PIRT: variants seen among roughly 807,000 people sequenced by gnomAD.
The protein encoded by PIRT is phosphoinositide interacting regulator of transient receptor potential channels.
A neutral mutation model predicts 7.9 loss-of-function variants in PIRT; 6 were observed. The ratio of observed to expected loss-of-function variants is 0.76; its 90% confidence interval spans 0.42 to 1.51. PIRT has a LOEUF of 1.51. Among genes scored for constraint, PIRT ranks in the 40% most tolerant of loss-of-function variants. The pLI, the probability that PIRT is intolerant of heterozygous loss-of-function variation, is 0.01. For missense variants in PIRT, 170 were observed against 172.9 expected (o/e 0.98, Z 0.09); for synonymous variants, 78 against 71.8 (o/e 1.09, Z -0.44).
At chr17:10,826,057 G>A (rs1303875825) in intron 1 of PIRT, among the ~76,000 whole-genome samples, 5 of 151,946 alleles carry the variant, frequency 3.3e-5, no homozygotes, top group South Asian at 2.1e-4. Context: ...TCCACCTCCC[G>A]GGTTCAAGTG....
Position 10,825,150 on chromosome 17 carries a change from C to G in PIRT, c.*82G>C, listed in dbSNP as rs960022530. The G allele has an allele frequency of 2.0e-6, 3 of 1,504,310 alleles. No homozygotes were observed. The highest frequency in any genetic ancestry group is 2.8e-5 in the African/African-American group (2 of 72,328). The allele number at this position is 1,504,310 out of a possible 1,614,324, so 93.2% of individuals were successfully genotyped here. A position where few individuals can be genotyped will look rare whatever the true frequency, so the allele number is the denominator to read the frequency against. ...TTTTCCTGGATCAGTTTTATGGCAC[C>G]CCACAGAGGAGACAGGGATGTCGGA... is the stretch of plus-strand genomic sequence containing the variant. On this transcript the variant is annotated 3_prime_UTR_variant, in exon 2 of 2. Coordinates refer to ENST00000580256, the MANE Select transcript of PIRT (RefSeq NM_001101387.2).
chr17:10,825,107 A>G lies in PIRT; in HGVS notation c.*125T>C. 4 of 1,274,440 alleles carry G rather than the reference A, an allele frequency of 3.1e-6. No homozygotes were observed. The highest frequency in any genetic ancestry group is 3.2e-6 in the Non-Finnish European group (3 of 931,946). 78.9% of individuals were successfully genotyped at this position (1,274,440 alleles called of 1,614,324 possible). A position where few individuals can be genotyped will look rare whatever the true frequency, so the allele number is the denominator to read the frequency against. Reference sequence around the variant, plus strand: ...TGGAGCCCCAAGCTCTATCTTCCCCACAGGGTCAGGAAGAGCATTTTCCTG... The same window carrying G: ...TGGAGCCCCAAGCTCTATCTTCCCCGCAGGGTCAGGAAGAGCATTTTCCTG... On this transcript the variant is annotated 3_prime_UTR_variant, in exon 2 of 2. Coordinates refer to ENST00000580256, the MANE Select transcript of PIRT (RefSeq NM_001101387.2).
At chr17:10,828,775 A>G (rs1905393461) in intron 1 of PIRT, among the ~76,000 whole-genome samples, 1 of 152,128 alleles carries the variant, frequency 6.6e-6, no homozygotes, top group African/African-American at 2.4e-5. Flanking sequence ...ACTTTTCTGA[A>G]CTAGTGTCTT....
intron 1 of PIRT, among the ~76,000 whole-genome samples, chr17:10,837,266 G>A (rs1905613366): frequency 6.6e-6 from 1 of 152,226 alleles, no homozygotes; most frequent in Non-Finnish European, 1.5e-5. Flanking sequence ...GTGTGACCAC[G>A]GCTGGCTTTA....
rs908742158 is a variant in PIRT, at chr17:10,826,592, T to A, written c.-138-809A>T. 3.3e-5 allele frequency among the ~76,000 whole-genome samples: 5 copies of A among 152,216 alleles called. No individual in the cohort carries two copies. In the South Asian group the frequency reaches 1.0e-3, roughly 32 times the overall value. ...TTAAATTGAAACCTGACAATAAACCTGTGAATTAGGCATTAGTCCTGTTTT... is the reference window on the plus strand; with the variant it reads ...TTAAATTGAAACCTGACAATAAACCAGTGAATTAGGCATTAGTCCTGTTTT... On this transcript the variant is annotated intron_variant, in intron 1 of 1. Transcript: ENST00000580256.
At chr17:10,827,890 G>C (rs2151534051) in intron 1 of PIRT, among the ~76,000 whole-genome samples, 1 of 152,292 alleles carries the variant, frequency 6.6e-6, no homozygotes, top group African/African-American at 2.4e-5. Context: ...CCTGAGGATA[G>C]GTTCTGTTTG....
chr17:10,829,965 G>GTCTA (rs10561822), intron 1 of PIRT, among the ~76,000 whole-genome samples: 11,726 of 149,526 alleles, frequency 0.078, 482 homozygotes, highest in Admixed American at 0.084. Flanking sequence ...ATGTCTGTCT[G>GTCTA]TCTATCTATC....
chr17:10,829,259 A>G (rs1905407634), intron 1 of PIRT, among the ~76,000 whole-genome samples: 1 of 151,942 alleles, frequency 6.6e-6, no homozygotes, highest in South Asian at 2.1e-4. Flanking sequence ...AATTAAATGC[A>G]GTGATTCTCA....
At chr17:10,837,494 GA>G (rs1257117881) in intron 1 of PIRT, among the ~76,000 whole-genome samples, 3 of 152,238 alleles carry the variant, frequency 2.0e-5, no homozygotes, top group Admixed American at 2.0e-4. Context: ...TGCTCAGGAG[GA>G]CGGCTGGGGT....
chr17:10,829,514 C>T (rs1905412752), intron 1 of PIRT, among the ~76,000 whole-genome samples: 1 of 152,158 alleles, frequency 6.6e-6, no homozygotes, highest in Admixed American at 6.5e-5. Context: ...GAGACTGAGG[C>T]CCAGTGGGGT....
intron 1 of PIRT, among the ~76,000 whole-genome samples, chr17:10,827,001 G>A (rs1905334413): frequency 6.6e-6 from 1 of 151,996 alleles, no homozygotes; most frequent in South Asian, 2.1e-4. Flanking sequence ...TAGTAGAGAT[G>A]GGGTTTCTCC....
At chr17:10,833,597 ACAAAAAAT>A (rs1195052614) in intron 1 of PIRT, among the ~76,000 whole-genome samples, 1 of 152,172 alleles carries the variant, frequency 6.6e-6, no homozygotes, top group Non-Finnish European at 1.5e-5. Flanking sequence ...TGCTAAAAAT[ACAAAAAAT>A]CAGCTGGGTG....
rs150727776 is a variant in PIRT, at chr17:10,825,264, G to C, written c.382C>G (p.Arg128Gly). Reference sequence around the variant, plus strand: ...GTCAGGAAGAAGGACTTGAGGCTGCGTAAGAAATTCGACTTCTGTCTGTGC... The same window carrying C: ...GTCAGGAAGAAGGACTTGAGGCTGCCTAAGAAATTCGACTTCTGTCTGTGC... ...QKHRQKSNFL[R>G]SLKSFFLTR Residue 128 changes from arginine (R) to glycine (G), a missense_variant, in exon 2 of 2, where the codon CGC becomes GGC. By Grantham distance (125) the Arg-to-Gly change is moderately radical (BLOSUM62 -2). Coordinates refer to ENST00000580256, the MANE Select transcript of PIRT (RefSeq NM_001101387.2). 1.9e-6 allele frequency: 3 copies of C among 1,613,978 alleles called. No homozygotes were observed. The East Asian group carries it at 6.7e-5, about 36-fold the overall frequency.
intron 1 of PIRT, among the ~76,000 whole-genome samples, chr17:10,837,251 T>C (rs1679173865): frequency 6.6e-6 from 1 of 152,236 alleles, no homozygotes; most frequent in Admixed American, 6.5e-5. Context: ...CTCGGGCGAT[T>C]GCGTGTGTGA....
chr17:10,828,681 G>C (rs17817086), intron 1 of PIRT, among the ~76,000 whole-genome samples: 7,173 of 152,188 alleles, frequency 0.047, 316 homozygotes, highest in East Asian at 0.14. Flanking sequence ...TACTGAATGC[G>C]TTCTCCTTCA....
intron 1 of PIRT, among the ~76,000 whole-genome samples, chr17:10,829,082 G>A (rs780784199): frequency 1.9e-4 from 29 of 152,214 alleles, no homozygotes; most frequent in Non-Finnish European, 1.6e-4. Context: ...GGTTCATAAA[G>A]CTGTTAGGAG....
chr17:10,833,343 G>GA lies in PIRT; in HGVS notation c.-139+4601dup, dbSNP rs906055434. Among the ~76,000 whole-genome samples the GA allele has an allele frequency of 6.8e-4, 103 of 150,602 alleles. 1 individual carries two copies. Among genetic ancestry groups the GA allele is most frequent in the African/African-American group, 1.4e-3 (58 of 41,058 alleles). On this transcript the variant is annotated intron_variant, in intron 1 of 1. Coordinates refer to ENST00000580256, the MANE Select transcript of PIRT (RefSeq NM_001101387.2). ...AGATTTTGTAGACAAGATAGAGACA[G>GA]AAAAAAAAATCAATAAAATAGATAT...
chr17:10,828,832 C>A (rs577205642), intron 1 of PIRT, among the ~76,000 whole-genome samples: 5 of 152,342 alleles, frequency 3.3e-5, no homozygotes, highest in South Asian at 2.1e-4. Flanking sequence ...CAAGCAGTTA[C>A]AGATCCCTCA....
intron 1 of PIRT, among the ~76,000 whole-genome samples, chr17:10,826,461 C>T (rs1905315400): frequency 6.6e-6 from 1 of 152,190 alleles, no homozygotes; most frequent in Admixed American, 6.5e-5. Flanking sequence ...TAGCATATGG[C>T]AAATACTCCA....
Sources: gnomAD v4.1 joint callset for allele counts (sites outside exome capture counted in the v4.1 genomes callset) on GRCh38, gnomAD v4.1.1 for gene constraint, MANE v1.5 for transcripts, NCBI Gene and HGNC (gene_info 2026-07-23, HGNC 2026-07-21) for gene names.